The following ITPR2 variants were observed in gnomAD, a reference collection of about 807,000 sequenced individuals.
The protein encoded by ITPR2 is inositol 1,4,5-trisphosphate-gated calcium channel ITPR2.
Under a neutral mutation model 317.1 loss-of-function variants are expected in ITPR2, and 207 were observed. The observed-to-expected ratio is 0.65, with a 90% CI of 0.58 to 0.73. ITPR2 has a LOEUF of 0.73. Among genes scored for constraint, ITPR2 ranks in the 30% least tolerant of loss-of-function variants. The pLI is 0.00. For missense variants in ITPR2, 2,613 were observed against 3,284.0 expected (o/e 0.80, Z 4.99); for synonymous variants, 1,156 against 1,149.1 (o/e 1.01, Z -0.12).
At chr12:26,661,293 A>AAGTG (rs1947496217) in intron 15 of ITPR2, among the ~76,000 whole-genome samples, 1 of 8,242 alleles carries the variant, frequency 1.2e-4, no homozygotes, top group Non-Finnish European at 2.1e-4. Context: ...GGGGGGTGGG[A>AAGTG]GGGAACGGGC....
intron 49 of ITPR2, among the ~76,000 whole-genome samples, chr12:26,424,490 G>C (rs377384311): frequency 6.6e-6 from 1 of 151,460 alleles, no homozygotes; most frequent in Non-Finnish European, 1.5e-5. Flanking sequence ...ATGACTAATT[G>C]ATATTTTCAT....
At chr12:26,441,368 G>A (rs1941484853) in intron 46 of ITPR2, among the ~76,000 whole-genome samples, 1 of 152,130 alleles carries the variant, frequency 6.6e-6, no homozygotes, top group Non-Finnish European at 1.5e-5. Flanking sequence ...ATGAATTGTT[G>A]TGGTTATGTT....
chr12:26,597,375 G>T (rs1193825047), intron 30 of ITPR2, among the ~76,000 whole-genome samples: 1 of 152,184 alleles, frequency 6.6e-6, no homozygotes, highest in African/African-American at 2.4e-5. Flanking sequence ...GGGCAAGAAT[G>T]AAACAACATG....
intron 21 of ITPR2, among the ~76,000 whole-genome samples, chr12:26,648,227 T>C (rs565025357): frequency 2.5e-4 from 38 of 152,218 alleles, no homozygotes; most frequent in Non-Finnish European, 5.3e-4. Flanking sequence ...TATTTAAGCC[T>C]GGCGCCACTG....
chr12:26,832,960 G>C lies in ITPR2; in HGVS notation c.-179C>G, dbSNP rs11048709. On this transcript the variant is annotated 5_prime_UTR_variant, in exon 1 of 57. Coordinates refer to ENST00000381340, the MANE Select transcript of ITPR2 (RefSeq NM_002223.4). ...CGGCTCAGCCGTGCGTGCGCGCCGGGGAAGCCAGACCGGGGCCAAGCCGCA... is the reference window on the plus strand; with the variant it reads ...CGGCTCAGCCGTGCGTGCGCGCCGGCGAAGCCAGACCGGGGCCAAGCCGCA... 2 of 557,912 alleles carry C rather than the reference G, an allele frequency of 3.6e-6. No homozygotes were observed. Among genetic ancestry groups the C allele is most frequent in the South Asian group, 2.2e-5 (1 of 45,794 alleles). The allele number at this position is 557,912 out of a possible 1,614,324, so 34.6% of individuals were successfully genotyped here. A position where few individuals can be genotyped will look rare whatever the true frequency, so the allele number is the denominator to read the frequency against.
chr12:26,556,353 T>C lies in ITPR2; in HGVS notation c.4844A>G (p.His1615Arg). 1 of 1,613,724 alleles carries C rather than the reference T, an allele frequency of 6.2e-7. No individual in the cohort carries two copies. The highest frequency in any genetic ancestry group is 1.1e-5 in the South Asian group (1 of 90,990). Residue 1615 changes from histidine (H) to arginine (R), a missense_variant, in exon 36 of 57, where the codon CAC (histidine) becomes CGC (arginine). Transcript: ENST00000381340. ...KLQDVVASLE[H>R]QFSPMMQAEF... Reference sequence around the variant, plus strand: ...AGCCTGCATCATTGGGCTGAACTGGTGCTCCAAGGAGGCCACTACATCCTA... The same window carrying C: ...AGCCTGCATCATTGGGCTGAACTGGCGCTCCAAGGAGGCCACTACATCCTA...
At chr12:26,559,996 AG>A (rs1413626631) in intron 35 of ITPR2, among the ~76,000 whole-genome samples, 1 of 152,242 alleles carries the variant, frequency 6.6e-6, no homozygotes, top group African/African-American at 2.4e-5. Flanking sequence ...TTAATGAGTT[AG>A]AATGCATGTC....
rs1004006498 is a variant in ITPR2 at position 26,338,816 on chromosome 12, G to C, written c.*581C>G. Reference sequence around the variant, plus strand: ...AAAGCTCCAAAGTACTAAGTTCCTAGAGCTGTAAATCCATTGTGCTTCATG... The same window carrying C: ...AAAGCTCCAAAGTACTAAGTTCCTACAGCTGTAAATCCATTGTGCTTCATG... On this transcript the variant is annotated 3_prime_UTR_variant, in exon 57 of 57. Coordinates refer to ENST00000381340, the MANE Select transcript of ITPR2 (RefSeq NM_002223.4). 1 of 152,238 alleles carries C rather than the reference G, an allele frequency of 6.6e-6. No homozygotes were observed. Among genetic ancestry groups the C allele is most frequent in the African/African-American group, 2.4e-5 (1 of 41,434 alleles). 9.4% of individuals were successfully genotyped at this position (152,238 alleles called of 1,614,324 possible).
At chr12:26,604,133 A>G (rs763433982) in intron 26 of ITPR2, among the ~76,000 whole-genome samples, 18 of 151,810 alleles carry the variant, frequency 1.2e-4, no homozygotes, top group Non-Finnish European at 1.8e-4. Flanking sequence ...AATAAACATC[A>G]AGAAAGAAAA....
At chr12:26,674,376 C>A (rs1947859173) in intron 13 of ITPR2, among the ~76,000 whole-genome samples, 1 of 152,128 alleles carries the variant, frequency 6.6e-6, no homozygotes, top group Non-Finnish European at 1.5e-5. Context: ...GAACAGAGCC[C>A]TCAGAAATAA....
chr12:26,457,045 T>C (rs866930297), intron 45 of ITPR2, among the ~76,000 whole-genome samples: 2 of 152,156 alleles, frequency 1.3e-5, no homozygotes, highest in South Asian at 2.1e-4. Flanking sequence ...GGGGTTATAA[T>C]AGTGAACAAA....
chr12:26,520,352 T>A (rs893835568), intron 37 of ITPR2, among the ~76,000 whole-genome samples: 1 of 152,140 alleles, frequency 6.6e-6, no homozygotes, highest in South Asian at 2.1e-4. Flanking sequence ...AAGAGACTTG[T>A]TCCTCTTCTC....
At chr12:26,789,965 A>T (rs2137211844) in intron 2 of ITPR2, among the ~76,000 whole-genome samples, 192 bp downstream of exon 2, 1 of 152,372 alleles carries the variant, frequency 6.6e-6, no homozygotes, top group East Asian at 1.9e-4. Flanking sequence ...AAAAATCAAA[A>T]CTATTCTTTC....
chr12:26,729,085 T>C (rs574366148), intron 2 of ITPR2, among the ~76,000 whole-genome samples: 1 of 151,894 alleles, frequency 6.6e-6, no homozygotes, highest in South Asian at 2.1e-4. Context: ...TTTGTTGCAA[T>C]TGCTTTTGGA....
At chr12:26,636,204 G>A (rs897449199) in intron 21 of ITPR2, among the ~76,000 whole-genome samples, 1 of 152,194 alleles carries the variant, frequency 6.6e-6, no homozygotes, top group African/African-American at 2.4e-5. Context: ...GATTTGTGGT[G>A]CAATGTCACC....
intron 26 of ITPR2, among the ~76,000 whole-genome samples, chr12:26,607,781 G>A (rs1946170208): frequency 6.6e-6 from 1 of 152,056 alleles, no homozygotes; most frequent in Admixed American, 6.6e-5. Context: ...TCCGTCCCAA[G>A]ACAAATAAAA....
At chr12:26,688,611 C>A (rs561946971) in intron 10 of ITPR2, among the ~76,000 whole-genome samples, 2 of 151,992 alleles carry the variant, frequency 1.3e-5, no homozygotes, top group Non-Finnish European at 2.9e-5. Flanking sequence ...GAATAGAGAA[C>A]AAGAGGGGAG....
chr12:26,646,779 T>C (rs983059658), intron 21 of ITPR2, among the ~76,000 whole-genome samples: 4 of 152,160 alleles, frequency 2.6e-5, no homozygotes, highest in African/African-American at 9.7e-5. Flanking sequence ...TACAAATAAA[T>C]GGAATTCTCC....
intron 2 of ITPR2, among the ~76,000 whole-genome samples, chr12:26,743,158 A>G (rs1022151694): frequency 2.0e-5 from 3 of 152,234 alleles, no homozygotes; most frequent in Non-Finnish European, 4.4e-5. Flanking sequence ...TCATGTCAAT[A>G]AAAACCAGTT....
Sources: gnomAD v4.1 joint callset for allele counts (sites outside exome capture counted in the v4.1 genomes callset) on GRCh38, gnomAD v4.1.1 for gene constraint, MANE v1.5 for transcripts, NCBI Gene and HGNC (gene_info 2026-07-23, HGNC 2026-07-21) for gene names.